Variants in CFAP44 observed in about 807,000 individuals in gnomAD.
The protein encoded by CFAP44 is cilia- and flagella-associated protein 44.
Under a neutral mutation model 216.2 loss-of-function variants are expected in CFAP44, and 134 were observed. The ratio of observed to expected loss-of-function variants is 0.62; its 90% CI spans 0.54 to 0.72. The LOEUF (loss-of-function observed/expected upper bound fraction) is 0.72, where lower values mean the gene tolerates loss of function less well. Ranked by LOEUF, CFAP44 falls within the 30% of genes least tolerant of loss-of-function variation. The pLI, the probability that CFAP44 is intolerant of heterozygous loss-of-function variation, is 0.00. For missense variants in CFAP44, 2,035 were observed against 2,182.1 expected, an observed-to-expected ratio of 0.93 and a Z score of 1.34; for synonymous variants, 700 against 727.6, an observed-to-expected ratio of 0.96 and a Z score of 0.61.
intron 9 of CFAP44, 86 bp from the exon 10 acceptor site, chr3:113,401,825 T>C (rs969478362): frequency 2.9e-6 from 4 of 1,375,458 alleles, no homozygotes; most frequent in African/African-American, 2.9e-5. Flanking sequence ...GATTTTTTTT[T>C]CAAAAGTCAT....
Position 113,306,222 on chromosome 3 carries a change from T to C in CFAP44, c.4737A>G (p.Glu1579=), listed in dbSNP as rs187129443. Residue 1579 remains glutamate (E), a synonymous_variant, in exon 30 of 35, where the codon GAA becomes GAG. Transcript: ENST00000393845. ...ATACTTTTTTTGACAATGTATCATA[T>C]TCCTTTTTGAGGTTATCAACAATTT... ...EKKIVDNLKK[E]YDTLSKKVKI... is the part of the protein sequence containing the mutation. The C allele has an allele frequency of 1.3e-5, 20 of 1,536,898 alleles. No homozygotes were observed. The Admixed American group carries it at 3.1e-4, about 24-fold the overall frequency.
chr3:113,328,949 TG>T (rs1424154080), intron 26 of CFAP44, among the ~76,000 whole-genome samples: 1 of 152,106 alleles, frequency 6.6e-6, no homozygotes, highest in Non-Finnish European at 1.5e-5. Context: ...TCTTAAGAAT[TG>T]TTGTATCCCT....
At chr3:113,320,589 TAGATGTATATTATTA>T (rs1295243368) in intron 28 of CFAP44, among the ~76,000 whole-genome samples, 1 of 149,910 alleles carries the variant, frequency 6.7e-6, no homozygotes, top group Non-Finnish European at 1.5e-5. Flanking sequence ...TATATATATC[TAGATGTATATTATTA>T]AGTATTAAGG....
chr3:113,289,227 A>G lies in CFAP44; in HGVS notation c.*2330T>C, dbSNP rs560446147. The G allele has an allele frequency of 6.6e-6, 1 of 152,274 alleles. No individual in the cohort carries two copies. Among genetic ancestry groups the G allele is most frequent in the African/African-American group, 2.4e-5 (1 of 41,478 alleles). The allele number at this position is 152,274 out of a possible 1,614,324, so 9.4% of individuals were successfully genotyped here. On this transcript the variant is annotated 3_prime_UTR_variant, in exon 35 of 35. Coordinates refer to ENST00000393845, the MANE Select transcript of CFAP44 (RefSeq NM_001164496.2). ...CAACATATTTTGTCCAATTCAAAATAAAGTAATTCAGTGTTAACTGTCGTC... is the reference window on the plus strand; with the variant it reads ...CAACATATTTTGTCCAATTCAAAATGAAGTAATTCAGTGTTAACTGTCGTC...
intron 21 of CFAP44, among the ~76,000 whole-genome samples, chr3:113,361,576 A>G (rs1337734344): frequency 1.4e-5 from 2 of 147,386 alleles, no homozygotes; most frequent in African/African-American, 5.0e-5. Context: ...CTCACTGCAC[A>G]CTCCACCTCC....
intron 18 of CFAP44, among the ~76,000 whole-genome samples, chr3:113,366,864 T>C (rs1932950006): frequency 6.6e-6 from 1 of 152,200 alleles, no homozygotes; most frequent in African/African-American, 2.4e-5. Context: ...GCCCAAATAC[T>C]GCGCTTTTCA....
At chr3:113,336,467 A>G (rs1423922917) in intron 24 of CFAP44, among the ~76,000 whole-genome samples, 1 of 152,112 alleles carries the variant, frequency 6.6e-6, no homozygotes, top group Non-Finnish European at 1.5e-5. Context: ...CTTAGATGAA[A>G]TGCACAAATT....
rs756611095 is a variant in CFAP44 at position 113,416,634 on chromosome 3, A to G, written c.571-7T>C. The G allele has an allele frequency of 1.6e-5, 25 of 1,584,514 alleles. No individual in the cohort carries two copies. The highest frequency in any genetic ancestry group is 2.1e-5 in the Non-Finnish European group (24 of 1,162,538). ...AAGTTTTATGTGGATGAACCTACAA[A>G]AGATAAAATTTCACCAAAATATTAA... On this transcript the variant is annotated splice_region_variant and splice_polypyrimidine_tract_variant and intron_variant, in intron 5 of 34. Coordinates refer to ENST00000393845, the MANE Select transcript of CFAP44 (RefSeq NM_001164496.2).
At chr3:113,356,404 C>A (rs1290652027) in intron 22 of CFAP44, among the ~76,000 whole-genome samples, 1 of 152,028 alleles carries the variant, frequency 6.6e-6, no homozygotes, top group South Asian at 2.1e-4. Context: ...AAGAACCTAA[C>A]CAATCTTGGA....
At position 113,287,071 on chromosome 3, in the gene CFAP44, C is replaced by T; in HGVS notation, c.*4486G>A. On this transcript the variant is annotated 3_prime_UTR_variant, in exon 35 of 35. Transcript: ENST00000393845. ...AGGTTGGAGAGGGAAAATAAAGAAG[C>T]TGCCACCTAACAGGAGTCACCCAGG... 3.2e-6 allele frequency: 2 copies of T among 629,888 alleles called. No individual in the cohort carries two copies. The highest frequency in any genetic ancestry group is 3.0e-5 in the South Asian group (2 of 66,682). The allele number at this position is 629,888 out of a possible 1,614,324, so 39.0% of individuals were successfully genotyped here.
intron 8 of CFAP44, among the ~76,000 whole-genome samples, chr3:113,405,437 T>C (rs1934250631): frequency 6.6e-6 from 1 of 152,236 alleles, no homozygotes. Flanking sequence ...GCTTCTGTTC[T>C]AGCTCATTTC....
chr3:113,294,427 T>C, intron 34 of CFAP44: 1 of 416,608 alleles, frequency 2.4e-6, no homozygotes, highest in Non-Finnish European at 4.3e-6. Flanking sequence ...ACCTTACACC[T>C]CTCCAGGACC....
intron 21 of CFAP44, among the ~76,000 whole-genome samples, chr3:113,359,379 C>A (rs988205616): frequency 6.6e-6 from 1 of 152,130 alleles, no homozygotes; most frequent in African/African-American, 2.4e-5. Flanking sequence ...ATGTTTCTTA[C>A]CCTCATCCCT....
At chr3:113,298,162 GC>G (rs763134815) in intron 32 of CFAP44, among the ~76,000 whole-genome samples, 3 of 152,206 alleles carry the variant, frequency 2.0e-5, no homozygotes, top group Non-Finnish European at 4.4e-5. Flanking sequence ...TTGCATGGCA[GC>G]CTCATATACC....
At chr3:113,310,074 G>A (rs184538361) in intron 28 of CFAP44, among the ~76,000 whole-genome samples, 18 of 152,264 alleles carry the variant, frequency 1.2e-4, no homozygotes, top group Admixed American at 6.5e-4. Flanking sequence ...GGGCTGTAAC[G>A]AGGTGTCCCA....
chr3:113,310,598 C>T (rs1468068569), intron 28 of CFAP44, among the ~76,000 whole-genome samples: 1 of 152,182 alleles, frequency 6.6e-6, no homozygotes, highest in African/African-American at 2.4e-5. Flanking sequence ...GTCACTCATA[C>T]CACAAACCAG....
chr3:113,300,968 T>G (rs894053163), intron 32 of CFAP44, among the ~76,000 whole-genome samples: 3 of 152,180 alleles, frequency 2.0e-5, no homozygotes, highest in African/African-American at 7.2e-5. Context: ...AACACTTATA[T>G]GCCCTACGAC....
At chr3:113,340,645 C>T (rs1950324029) in intron 24 of CFAP44, among the ~76,000 whole-genome samples, 1 of 152,166 alleles carries the variant, frequency 6.6e-6, no homozygotes, top group South Asian at 2.1e-4. Flanking sequence ...TGTGGGGCTC[C>T]GACCCCATGG....
intron 1 of CFAP44, among the ~76,000 whole-genome samples, chr3:113,438,940 T>C (rs1268054063): frequency 6.6e-6 from 1 of 152,204 alleles, no homozygotes; most frequent in African/African-American, 2.4e-5. Flanking sequence ...GCATCATATA[T>C]ACCTCCTAAT....
Sources: gnomAD v4.1 joint callset for allele counts (sites outside exome capture counted in the v4.1 genomes callset) on GRCh38, gnomAD v4.1.1 for gene constraint, MANE v1.5 for transcripts, NCBI Gene and HGNC (gene_info 2026-07-23, HGNC 2026-07-21) for gene names.